The following PCDHA3 variants were observed in gnomAD, a reference collection of about 807,000 sequenced individuals.
The protein encoded by PCDHA3 is protocadherin alpha 3, also known as protocadherin alpha-3.
In PCDHA3, 41 loss-of-function variants were observed where a neutral mutation model predicts 62.2. That is an observed-to-expected ratio of 0.66 (90% CI 0.51 to 0.86). The LOEUF (loss-of-function observed/expected upper bound fraction) is 0.86, where lower values mean the gene tolerates loss of function less well. Among genes scored for constraint, PCDHA3 ranks in the 40% least tolerant of loss-of-function variants. PCDHA3 has a pLI of 0.00. For synonymous variants in PCDHA3, 640 were observed against 555.4 expected, an observed-to-expected ratio of 1.15 and a Z score of -2.14; for missense variants, 1,304 against 1,241.2, an observed-to-expected ratio of 1.05 and a Z score of -0.76.
At chr5:140,967,627 C>G (rs1218869340) in intron 1 of PCDHA3, 16 of 1,614,040 alleles carry the variant, frequency 9.9e-6, no homozygotes, top group Non-Finnish European at 1.3e-5. Context: ...CGGATGAGGG[C>G]TCCAATGGTG....
chr5:140,959,646 G>A (rs1222418847), intron 1 of PCDHA3, among the ~76,000 whole-genome samples: 5 of 152,010 alleles, frequency 3.3e-5, no homozygotes, highest in Admixed American at 6.6e-5. Context: ...AAACACAGAA[G>A]CAAAATTGAA....
chr5:140,993,128 T>A (rs1250312762), intron 3 of PCDHA3, among the ~76,000 whole-genome samples: 2 of 152,234 alleles, frequency 1.3e-5, no homozygotes, highest in Non-Finnish European at 2.9e-5. Flanking sequence ...AATTTCCTTC[T>A]GTTGCAACAA....
At chr5:140,875,413 C>T (rs2055464602) in intron 1 of PCDHA3, 2 of 1,507,300 alleles carry the variant, frequency 1.3e-6, no homozygotes, top group South Asian at 2.7e-5. Flanking sequence ...TCATAAAATA[C>T]CTCAGGCAAG....
chr5:140,960,665 G>A (rs1180311598), intron 1 of PCDHA3, among the ~76,000 whole-genome samples: 2 of 152,066 alleles, frequency 1.3e-5, no homozygotes, highest in Non-Finnish European at 2.9e-5. Context: ...TGAATGCTTT[G>A]GCTAAAACCT....
chr5:140,977,762 C>T (rs996806241), intron 1 of PCDHA3, among the ~76,000 whole-genome samples: 6 of 152,124 alleles, frequency 3.9e-5, no homozygotes, highest in Non-Finnish European at 5.9e-5. Context: ...TTATTAAATA[C>T]TTTGCATCCC....
In PCDHA3 at chr5:141,011,583, A is replaced by G. The variant is rs2098421115; in HGVS notation, c.*1646A>G. On this transcript the variant is annotated 3_prime_UTR_variant, in exon 4 of 4. Transcript: ENST00000522353. ...AGTAAAATTTCTTTCTTAAATCAAG[A>G]TACTGGTGATTCAAGGAATTTTATT... is the stretch of plus-strand genomic sequence containing the variant. 1 of 153,656 alleles carries G rather than the reference A, an allele frequency of 6.5e-6. No individual in the cohort carries two copies. Among genetic ancestry groups the G allele is most frequent in the Admixed American group, 6.6e-5 (1 of 15,258 alleles). The allele number at this position is 153,656 out of a possible 1,614,324, so 9.5% of individuals were successfully genotyped here.
rs1554122629 is a variant in PCDHA3 at position 140,803,183 on chromosome 5, G to T, written c.1986G>T (p.Thr662=). The part of the protein sequence containing the change: ...KDHGEPSLTA[T]ATVLVSLVES... ...ACGGTGAACCCTCATTGACCGCCAC[G>T]GCCACTGTGCTGGTGTCGCTGGTGG... Residue 662 remains threonine, a synonymous_variant, in exon 1 of 4, where the codon ACG becomes ACT. Transcript: ENST00000522353. 6.2e-7 allele frequency: 1 copy of T among 1,613,910 alleles called. No individual in the cohort carries two copies. Among genetic ancestry groups the T allele is most frequent in the Non-Finnish European group, 8.5e-7 (1 of 1,179,946 alleles).
intron 1 of PCDHA3, chr5:140,823,090 A>G: frequency 6.2e-7 from 1 of 1,614,038 alleles, no homozygotes; most frequent in Non-Finnish European, 8.5e-7. Context: ...GGCCACCGCC[A>G]GCGTGTCTGT....
intron 1 of PCDHA3, among the ~76,000 whole-genome samples, chr5:140,831,643 G>T (rs2150109104): frequency 6.6e-6 from 1 of 151,354 alleles, no homozygotes; most frequent in South Asian, 2.1e-4. Context: ...GATTATAGGT[G>T]TGAGCCACTA....
intron 1 of PCDHA3, chr5:140,823,401 G>GT: frequency 1.2e-6 from 2 of 1,613,022 alleles, no homozygotes; most frequent in Non-Finnish European, 1.7e-6. Flanking sequence ...CGGGCGTGCC[G>GT]CCTCTGGGCA....
At chr5:140,877,599 C>A in intron 1 of PCDHA3, 1 of 1,613,882 alleles carries the variant, frequency 6.2e-7, no homozygotes, top group South Asian at 1.1e-5. Flanking sequence ...CGGTGTCCAG[C>A]CTGCTGGTGC....
intron 1 of PCDHA3, among the ~76,000 whole-genome samples, chr5:140,905,180 TAA>T (rs2071657008): frequency 6.6e-6 from 1 of 152,224 alleles, no homozygotes; most frequent in Non-Finnish European, 1.5e-5. Flanking sequence ...GTTTTAGATT[TAA>T]GTCTTTGATC....
chr5:140,946,527 G>A (rs1414920308), intron 1 of PCDHA3, among the ~76,000 whole-genome samples: 1 of 150,718 alleles, frequency 6.6e-6, no homozygotes, highest in Non-Finnish European at 1.5e-5. Flanking sequence ...GCACTCCCAT[G>A]TTCATTGCAG....
chr5:140,967,431 T>G, intron 1 of PCDHA3: 1 of 1,613,498 alleles, frequency 6.2e-7, no homozygotes, highest in Non-Finnish European at 8.5e-7. Flanking sequence ...CAGGCAGCCT[T>G]GCACCACCTG....
chr5:140,843,170 A>T (rs2150354279), intron 1 of PCDHA3: 2 of 1,596,072 alleles, frequency 1.3e-6, no homozygotes. Context: ...AGCTGCAAGC[A>T]GCCCTCGCAT....
At position 140,801,294 on chromosome 5, in the gene PCDHA3, T is replaced by C. The variant is rs376147788; in HGVS notation, c.97T>C (p.Tyr33His). ...ASEVGSGQLH[Y>H]SVSEEAKHGT... ...GGAGGTGGGGAGCGGCCAGCTCCAC[T>C]ACTCCGTCTCTGAGGAGGCCAAGCA... is the stretch of plus-strand genomic sequence containing the variant. The change falls in exon 1 of 4, where the codon TAC becomes CAC. Residue 33 changes from tyrosine to histidine, a missense_variant. Transcript: ENST00000522353. 5.0e-6 allele frequency: 8 copies of C among 1,613,408 alleles called. No individual in the cohort carries two copies. In the African/African-American group the frequency reaches 9.3e-5, roughly 19 times the overall value.
chr5:140,998,070 G>T (rs2097795700), intron 3 of PCDHA3, among the ~76,000 whole-genome samples: 1 of 152,050 alleles, frequency 6.6e-6, no homozygotes, highest in Admixed American at 6.6e-5. Context: ...AACAGACTTA[G>T]CCTCTGCAGT....
At chr5:140,952,104 C>T (rs1009516552) in intron 1 of PCDHA3, among the ~76,000 whole-genome samples, 3 of 152,102 alleles carry the variant, frequency 2.0e-5, no homozygotes, top group South Asian at 2.1e-4. Flanking sequence ...AGGGCACACT[C>T]GTGTGAGGGA....
chr5:140,890,608 G>A (rs1451973329), intron 1 of PCDHA3, among the ~76,000 whole-genome samples: 1 of 152,026 alleles, frequency 6.6e-6, no homozygotes, highest in African/African-American at 2.4e-5. Flanking sequence ...AATAGCTAGT[G>A]CTTACCCTAG....
Sources: allele counts gnomAD v4.1 joint callset (sites outside exome capture counted in the v4.1 genomes callset), GRCh38; gene constraint gnomAD v4.1.1; transcripts MANE v1.5; gene names NCBI Gene and HGNC (gene_info 2026-07-23, HGNC 2026-07-21).